Variants in LRRTM4 observed in about 807,000 individuals in gnomAD.
LRRTM4 encodes the protein leucine-rich repeat transmembrane neuronal protein 4.
LRRTM4 carries 25 observed loss-of-function variants against 47.6 expected under a neutral mutation model. The ratio of observed to expected loss-of-function variants is 0.53; its 90% CI spans 0.38 to 0.73. LRRTM4 has a LOEUF of 0.73. Among genes scored for constraint, LRRTM4 ranks in the 30% least tolerant of loss-of-function variants. The probability of loss-of-function intolerance (pLI) is 0.00; values close to 1 mark genes in which losing one functional copy is unlikely to be tolerated. For missense variants in LRRTM4, 638 were observed against 713.4 expected, an observed-to-expected ratio of 0.89 and a Z score of 1.20; for synonymous variants, 311 against 269.5, an observed-to-expected ratio of 1.15 and a Z score of -1.51.
chr2:77,232,571 A>G (rs535335536), intron 3 of LRRTM4, among the ~76,000 whole-genome samples: 1 of 152,334 alleles, frequency 6.6e-6, no homozygotes, highest in South Asian at 2.1e-4. Flanking sequence ...GTTTAGACAC[A>G]AAGGTTTACT....
chr2:77,405,522 C>T (rs892794322), intron 3 of LRRTM4, among the ~76,000 whole-genome samples: 2 of 152,084 alleles, frequency 1.3e-5, no homozygotes, highest in African/African-American at 4.8e-5. Context: ...TGTTCCTCTT[C>T]CCCAATGTCA....
intron 3 of LRRTM4, among the ~76,000 whole-genome samples, chr2:77,141,030 T>G (rs910596868): frequency 2.6e-5 from 4 of 152,258 alleles, no homozygotes; most frequent in Admixed American, 6.5e-5. Context: ...GGTGGGACTG[T>G]AAACTAGTTC....
chr2:76,932,462 T>G (rs892056960), intron 3 of LRRTM4, among the ~76,000 whole-genome samples: 2 of 152,118 alleles, frequency 1.3e-5, no homozygotes, highest in Admixed American at 1.3e-4. Context: ...CAGGAGTGTT[T>G]AGCCAGTGGA....
chr2:77,212,464 T>TAC (rs1388836480), intron 3 of LRRTM4, among the ~76,000 whole-genome samples: 1 of 146,018 alleles, frequency 6.8e-6, no homozygotes, highest in Admixed American at 6.8e-5. Context: ...TAATTATATA[T>TAC]ATATATATAT....
chr2:76,870,524 G>A (rs1573235529), intron 3 of LRRTM4, among the ~76,000 whole-genome samples: 1 of 152,114 alleles, frequency 6.6e-6, no homozygotes, highest in South Asian at 2.1e-4. Context: ...GTCAAGCTTA[G>A]GTATATGGCA....
intron 3 of LRRTM4, among the ~76,000 whole-genome samples, chr2:76,861,398 C>G (rs1672307882): frequency 6.6e-6 from 1 of 152,012 alleles, no homozygotes; most frequent in South Asian, 2.1e-4. Flanking sequence ...CCATATCTAA[C>G]TATATGTCAC....
intron 3 of LRRTM4, among the ~76,000 whole-genome samples, chr2:77,129,363 C>A (rs959630749): frequency 6.6e-6 from 1 of 152,138 alleles, no homozygotes; most frequent in African/African-American, 2.4e-5. Context: ...AGTTATGATA[C>A]CATCTGTCAC....
At chr2:77,450,671 C>A (rs995567546) in intron 3 of LRRTM4, among the ~76,000 whole-genome samples, 1 of 152,028 alleles carries the variant, frequency 6.6e-6, no homozygotes, top group Non-Finnish European at 1.5e-5. Context: ...CCAAAAAAAA[C>A]TATATCTGGT....
At chr2:77,091,247 C>G (rs540838836) in intron 3 of LRRTM4, among the ~76,000 whole-genome samples, 3 of 130,314 alleles carry the variant, frequency 2.3e-5, no homozygotes, top group Non-Finnish European at 5.1e-5. Context: ...CCTCTTGTAT[C>G]CCCCCACCTT....
chr2:77,421,505 A>T (rs1674883291), intron 3 of LRRTM4, among the ~76,000 whole-genome samples: 1 of 152,138 alleles, frequency 6.6e-6, no homozygotes, highest in South Asian at 2.1e-4. Context: ...CAGGAGATCG[A>T]GACCATCCTG....
intron 3 of LRRTM4, among the ~76,000 whole-genome samples, chr2:77,510,782 T>A (rs1678953754): frequency 6.6e-6 from 1 of 152,048 alleles, no homozygotes; most frequent in African/African-American, 2.4e-5. Context: ...CACCTTTTAG[T>A]TTTTAAATCA....
At chr2:77,514,885 T>C (rs917242865) in intron 3 of LRRTM4, among the ~76,000 whole-genome samples, 1 of 151,970 alleles carries the variant, frequency 6.6e-6, no homozygotes, top group Non-Finnish European at 1.5e-5. Context: ...AAAATTGATA[T>C]ACAGAATGAA....
At chr2:77,477,959 GAAAGAA>G (rs1401565598) in intron 3 of LRRTM4, among the ~76,000 whole-genome samples, 91 of 115,672 alleles carry the variant, frequency 7.9e-4, no homozygotes, top group African/African-American at 2.9e-3. Context: ...AAGAAAGAAA[GAAAGAA>G]AGAAAAAGAA....
intron 3 of LRRTM4, among the ~76,000 whole-genome samples, chr2:77,282,755 A>C (rs1676541818): frequency 6.6e-6 from 1 of 151,982 alleles, no homozygotes; most frequent in Non-Finnish European, 1.5e-5. Flanking sequence ...AGGACTCCCT[A>C]GTCAATAAAT....
rs150367276 is a variant in LRRTM4 at position 76,881,732 on chromosome 2, A to G, written c.1552-132816T>C. ...AAAAGTACCAAACTCTTCCTGTTAT[A>G]TAACAGTTTTTTCCCCATTTTCTCT... On this transcript the variant is annotated intron_variant, in intron 3 of 3. Transcript: ENST00000409884. Among the ~76,000 whole-genome samples, 479 of 152,198 alleles carry G rather than the reference A, an allele frequency of 3.1e-3. 5 individuals carry two copies. Among genetic ancestry groups the G allele is most frequent in the African/African-American group, 0.011 (463 of 41,550 alleles).
At chr2:76,812,738 C>CCTCCTCCTCTCCCTCCTT in intron 3 of LRRTM4, among the ~76,000 whole-genome samples, 3 of 124,116 alleles carry the variant, frequency 2.4e-5, no homozygotes, top group Non-Finnish European at 3.3e-5. Context: ...TTCTCCTCCT[C>CCTCCTCCTCTCCCTCCTT]CTCCTCCTCT....
At chr2:77,250,551 A>G (rs1192210090) in intron 3 of LRRTM4, among the ~76,000 whole-genome samples, 1 of 152,222 alleles carries the variant, frequency 6.6e-6, no homozygotes, top group Non-Finnish European at 1.5e-5. Flanking sequence ...ATACTAATTT[A>G]TATGTACATA....
intron 3 of LRRTM4, among the ~76,000 whole-genome samples, chr2:76,783,997 G>A (rs1293437640): frequency 1.3e-5 from 2 of 152,080 alleles, no homozygotes; most frequent in Non-Finnish European, 2.9e-5. Flanking sequence ...AAACAGAGTT[G>A]CTACTTGAAT....
At chr2:76,943,089 G>A (rs1264791419) in intron 3 of LRRTM4, among the ~76,000 whole-genome samples, 1 of 152,044 alleles carries the variant, frequency 6.6e-6, no homozygotes, top group Non-Finnish European at 1.5e-5. Flanking sequence ...ACTCTACATC[G>A]TAGTTTTTAG....
Sources: gnomAD v4.1 joint callset for allele counts (sites outside exome capture counted in the v4.1 genomes callset) on GRCh38, gnomAD v4.1.1 for gene constraint, MANE v1.5 for transcripts, NCBI Gene and HGNC (gene_info 2026-07-23, HGNC 2026-07-21) for gene names.